The following EYS variants were observed in gnomAD, a reference collection of about 807,000 sequenced individuals.
EYS encodes protein eyes shut homolog.
In EYS, 250 loss-of-function variants were observed where a neutral mutation model predicts 282.1. That is an observed-to-expected ratio of 0.89 (90% CI 0.80 to 0.98). EYS has a LOEUF of 0.98. Ranked by LOEUF, EYS falls within the 50% of genes least tolerant of loss-of-function variation. The pLI, the probability that EYS is intolerant of heterozygous loss-of-function variation, is 0.00. For synonymous variants in EYS, 1,355 were observed against 1,282.9 expected, an observed-to-expected ratio of 1.06 and a Z score of -1.20; for missense variants, 4,016 against 3,709.0, an observed-to-expected ratio of 1.08 and a Z score of -2.15.
chr6:64,741,537 C>A (rs1334379549), intron 22 of EYS, among the ~76,000 whole-genome samples: 1 of 152,160 alleles, frequency 6.6e-6, no homozygotes, highest in African/African-American at 2.4e-5. Context: ...GCACTGAATT[C>A]TCTCTATCTG....
intron 29 of EYS, among the ~76,000 whole-genome samples, chr6:64,313,080 C>A (rs1304899542): frequency 6.6e-6 from 1 of 152,166 alleles, no homozygotes; most frequent in African/African-American, 2.4e-5. Context: ...ATAACAAACT[C>A]CTCTGAGCTA....
chr6:64,779,969 T>G (rs1424379496), intron 22 of EYS, among the ~76,000 whole-genome samples: 1 of 152,178 alleles, frequency 6.6e-6, no homozygotes, highest in Non-Finnish European at 1.5e-5. Context: ...CTCTCTAGAT[T>G]TATGCAATAC....
rs207467065 is a variant in EYS at position 65,221,750 on chromosome 6, C to A, written c.2023+74113G>T. The stretch of plus-strand genomic sequence containing the variant: ...ATGGTAGATCCACTGACAGCTTGCA[C>A]CATGCACCTAGAAAAGACAAGACAC... On this transcript the variant is annotated intron_variant, in intron 12 of 42. Coordinates refer to ENST00000503581, the MANE Select transcript of EYS (RefSeq NM_001142800.2). Among the ~76,000 whole-genome samples the A allele has an allele frequency of 2.0e-5, 3 of 152,146 alleles. No homozygotes were observed. In the East Asian group the frequency reaches 5.8e-4, roughly 29 times the overall value.
At chr6:64,033,558 C>T (rs971157394) in intron 33 of EYS, among the ~76,000 whole-genome samples, 2 of 152,038 alleles carry the variant, frequency 1.3e-5, no homozygotes, top group African/African-American at 4.8e-5. Flanking sequence ...AGAAGTCCTG[C>T]TGCAAATATT....
At chr6:65,137,225 T>C (rs1225501476) in intron 12 of EYS, among the ~76,000 whole-genome samples, 1 of 152,080 alleles carries the variant, frequency 6.6e-6, no homozygotes, top group Non-Finnish European at 1.5e-5. Context: ...ATAGAGAAAT[T>C]CACTCTAGTT....
chr6:65,066,314 A>G lies in EYS; in HGVS notation c.2024-8587T>C, dbSNP rs114136104. 3.6e-3 allele frequency among the ~76,000 whole-genome samples: 544 copies of G among 152,292 alleles called. 8 individuals are homozygous for G. Among genetic ancestry groups the G allele is most frequent in the African/African-American group, 0.012 (515 of 41,574 alleles). On this transcript the variant is annotated intron_variant, in intron 12 of 42. Coordinates refer to ENST00000503581, the MANE Select transcript of EYS (RefSeq NM_001142800.2). Reference sequence around the variant, plus strand: ...TCATGTAAAAATTATCTTTGATTGTACCTTTAGCAATTTTGAACCTATTTC... The same window carrying G: ...TCATGTAAAAATTATCTTTGATTGTGCCTTTAGCAATTTTGAACCTATTTC...
At chr6:64,184,243 G>A (rs1764867162) in intron 31 of EYS, among the ~76,000 whole-genome samples, 1 of 152,130 alleles carries the variant, frequency 6.6e-6, no homozygotes, top group Non-Finnish European at 1.5e-5. Flanking sequence ...TTTCTCACCA[G>A]TATATACCAA....
chr6:64,042,994 A>G (rs1371542163), intron 33 of EYS, among the ~76,000 whole-genome samples: 1 of 152,132 alleles, frequency 6.6e-6, no homozygotes, highest in Non-Finnish European at 1.5e-5. Flanking sequence ...CAAGTTATTT[A>G]CTATCTCTGT....
intron 28 of EYS, among the ~76,000 whole-genome samples, chr6:64,430,263 A>G (rs1416804153): frequency 2.0e-5 from 3 of 152,160 alleles, no homozygotes; most frequent in Non-Finnish European, 4.4e-5. Flanking sequence ...CTGCATTTTT[A>G]TAATATTTTC....
chr6:64,812,435 T>G (rs1327215303), intron 22 of EYS, among the ~76,000 whole-genome samples: 1 of 152,042 alleles, frequency 6.6e-6, no homozygotes, highest in African/African-American at 2.4e-5. Context: ...TATGTATGTC[T>G]TACTAGAGAT....
intron 2 of EYS, among the ~76,000 whole-genome samples, chr6:65,585,831 C>T (rs1368263822): frequency 2.0e-5 from 3 of 151,718 alleles, no homozygotes; most frequent in Non-Finnish European, 2.9e-5. Context: ...AAAATAAAAG[C>T]TTCACTTATA....
chr6:65,450,720 C>A (rs572252022), intron 5 of EYS, among the ~76,000 whole-genome samples: 1 of 152,226 alleles, frequency 6.6e-6, no homozygotes, highest in Admixed American at 6.6e-5. Context: ...AGCTTTCCTG[C>A]CACTTACACT....
chr6:64,826,720 T>C (rs1583198508), intron 19 of EYS, among the ~76,000 whole-genome samples: 1 of 150,094 alleles, frequency 6.7e-6, no homozygotes, highest in East Asian at 1.9e-4. Flanking sequence ...ATCAGCTGTC[T>C]TTTTTCAGAC....
chr6:65,442,850 A>G (rs1403789064), intron 5 of EYS, among the ~76,000 whole-genome samples: 1 of 149,750 alleles, frequency 6.7e-6, no homozygotes, highest in East Asian at 2.0e-4. Context: ...ATATACACAT[A>G]CATATGTACA....
At chr6:65,234,576 G>A (rs1349912154) in intron 12 of EYS, among the ~76,000 whole-genome samples, 1 of 152,152 alleles carries the variant, frequency 6.6e-6, no homozygotes, top group African/African-American at 2.4e-5. Context: ...TAATTGATTT[G>A]TGATTTTATT....
In EYS at chr6:64,450,450, G is replaced by A. The variant is rs144777366; in HGVS notation, c.5645-11098C>T. The stretch of plus-strand genomic sequence containing the variant: ...CACTGTCAACATTAGACAGATCAAC[G>A]AGACAGAAAGTTGATGAGGATATCC... On this transcript the variant is annotated intron_variant, in intron 26 of 42. Transcript: ENST00000503581. Among the ~76,000 whole-genome samples, 1,368 of 152,172 alleles carry A rather than the reference G, an allele frequency of 9.0e-3. 15 individuals carry two copies. The highest frequency in any genetic ancestry group is 0.031 in the African/African-American group (1,289 of 41,500).
chr6:65,392,237 T>C (rs1388371123), intron 7 of EYS, among the ~76,000 whole-genome samples: 1 of 151,414 alleles, frequency 6.6e-6, no homozygotes, highest in Non-Finnish European at 1.5e-5. Context: ...AACCTAGGCA[T>C]TACCATTCAG....
At chr6:63,960,012 A>G (rs900464541) in intron 35 of EYS, among the ~76,000 whole-genome samples, 1 of 152,034 alleles carries the variant, frequency 6.6e-6, no homozygotes, top group Admixed American at 6.6e-5. Flanking sequence ...GTATCCTGGA[A>G]CCTAAAGTAA....
At position 64,813,440 on chromosome 6, in the gene EYS, A is replaced by G. The variant is rs1440289616; in HGVS notation, c.3381T>C (p.Asn1127=). The G allele has an allele frequency of 6.4e-7, 1 of 1,550,394 alleles. No homozygotes were observed. Among genetic ancestry groups the G allele is most frequent in the East Asian group, 2.4e-5 (1 of 40,890 alleles). ...SIDNCAEPEL[N]SVICLNGGIC... ...TCCCTCCATTAAGACAGATGACTGA[A>G]TTAAGTTCAGGCTCAGCACAATTAT... The change falls in exon 22 of 43, where the codon AAT becomes AAC. Residue 1127 remains asparagine, a synonymous_variant. Transcript: ENST00000503581.
Sources: gnomAD v4.1 joint callset for allele counts (sites outside exome capture counted in the v4.1 genomes callset) on GRCh38, gnomAD v4.1.1 for gene constraint, MANE v1.5 for transcripts, NCBI Gene and HGNC (gene_info 2026-07-23, HGNC 2026-07-21) for gene names.